The following CPXM2 variants were observed in gnomAD, a reference collection of about 807,000 sequenced individuals.
CPXM2 encodes carboxypeptidase X, M14 family member 2.
CPXM2 carries 66 observed loss-of-function variants against 86.1 expected under a neutral mutation model. That is an observed-to-expected ratio of 0.77 (90% CI 0.63 to 0.94). CPXM2 has a LOEUF of 0.94. CPXM2 is among the 40% of genes least tolerant of loss of function. The probability of loss-of-function intolerance (pLI) is 0.00; values close to 1 mark genes in which losing one functional copy is unlikely to be tolerated. For missense variants in CPXM2, 948 were observed against 1,026.3 expected, an observed-to-expected ratio of 0.92 and a Z score of 1.04; for synonymous variants, 388 against 400.2, an observed-to-expected ratio of 0.97 and a Z score of 0.36.
chr10:123,904,243 C>A (rs1945412009), intron 2 of CPXM2, among the ~76,000 whole-genome samples: 1 of 152,172 alleles, frequency 6.6e-6, no homozygotes, highest in Non-Finnish European at 1.5e-5. Context: ...CCTGGCTCTG[C>A]AGCCTGTTCT....
chr10:123,809,535 T>G (rs776256125), intron 4 of CPXM2, among the ~76,000 whole-genome samples: 1 of 152,094 alleles, frequency 6.6e-6, no homozygotes, highest in Non-Finnish European at 1.5e-5. Flanking sequence ...TAGATATAAA[T>G]ACACTCATGT....
At position 123,865,593 on chromosome 10, in the gene CPXM2, C is replaced by T. The variant is rs1848957374; in HGVS notation, c.404-2870G>A. 6.6e-6 allele frequency among the ~76,000 whole-genome samples: 1 copy of T among 152,192 alleles called. No homozygotes were observed. The highest frequency in any genetic ancestry group is 1.5e-5 in the Non-Finnish European group (1 of 68,036). On this transcript the variant is annotated intron_variant, in intron 2 of 13. Coordinates refer to ENST00000241305, the MANE Select transcript of CPXM2 (RefSeq NM_198148.3). This position sits in a 1 kb window ranked among gnomAD's most constrained non-coding sequence, Gnocchi z 4.7. ...TCACACCTCTGAGTTTCCACTCAAC[C>T]TCACGCATGCCTCCAGAGAGGGCCT...
At chr10:123,823,648 G>A (rs1358649228) in intron 4 of CPXM2, among the ~76,000 whole-genome samples, 1 of 152,106 alleles carries the variant, frequency 6.6e-6, no homozygotes, top group East Asian at 1.9e-4. Context: ...AAGAGAGACA[G>A]AGATAGAGAG....
At chr10:123,761,112 G>C (rs1469931177) in intron 11 of CPXM2, among the ~76,000 whole-genome samples, 1 of 152,162 alleles carries the variant, frequency 6.6e-6, no homozygotes, top group Non-Finnish European at 1.5e-5. Flanking sequence ...GTGGACCGCG[G>C]GGCCCTCTGG....
intron 2 of CPXM2, among the ~76,000 whole-genome samples, chr10:123,919,421 C>T (rs1041386365): frequency 3.3e-5 from 5 of 152,120 alleles, no homozygotes; most frequent in Non-Finnish European, 5.9e-5. Flanking sequence ...AGATACATCC[C>T]AGCAACCACA....
chr10:123,879,017 G>A (rs921355003), intron 2 of CPXM2, among the ~76,000 whole-genome samples: 17 of 152,172 alleles, frequency 1.1e-4, no homozygotes, highest in African/African-American at 2.9e-4. Context: ...GCGCTCTCCC[G>A]GTCCAATGAG....
chr10:123,894,550 A>T (rs1590109296), upstream of CPXM2, among the ~76,000 whole-genome samples: 1 of 152,180 alleles, frequency 6.6e-6, no homozygotes, highest in Non-Finnish European at 1.5e-5. Context: ...CGTCCTGGAA[A>T]GGTGCAAGGC....
intron 2 of CPXM2, among the ~76,000 whole-genome samples, chr10:123,867,943 A>G (rs1944822507): frequency 6.6e-6 from 1 of 152,178 alleles, no homozygotes; most frequent in Non-Finnish European, 1.5e-5. Flanking sequence ...TGGGGAGAAA[A>G]TTATGCAGGA....
chr10:123,877,145 T>C (rs1945001568), intron 2 of CPXM2, among the ~76,000 whole-genome samples: 1 of 152,134 alleles, frequency 6.6e-6, no homozygotes, highest in Non-Finnish European at 1.5e-5. Context: ...AAAATTATAG[T>C]GGGAATTGCC....
At chr10:123,857,664 G>A (rs1807202) in intron 3 of CPXM2, among the ~76,000 whole-genome samples, 24,842 of 109,072 alleles carry the variant, frequency 0.23, 3,568 homozygotes, top group African/African-American at 0.51. Context: ...GGAAGGCGGC[G>A]TGGAGATGGA....
chr10:123,788,435 G>T lies in CPXM2; in HGVS notation c.890-8180C>A, dbSNP rs888718181. Among the ~76,000 whole-genome samples the T allele has an allele frequency of 5.3e-5, 8 of 152,084 alleles. No individual in the cohort carries two copies. In the South Asian group the frequency reaches 1.2e-3, roughly 24 times the overall value. On this transcript the variant is annotated intron_variant, in intron 6 of 13. Coordinates refer to ENST00000241305, the MANE Select transcript of CPXM2 (RefSeq NM_198148.3). ...TGGATTTACAAACCAAAGCAAGCCCGATACGAAACTTCCCCCCTCCAGGAG... is the reference window on the plus strand; with the variant it reads ...TGGATTTACAAACCAAAGCAAGCCCTATACGAAACTTCCCCCCTCCAGGAG...
chr10:123,761,744 TA>T, intron 11 of CPXM2, 127 bp downstream of exon 11: 2 of 866,144 alleles, frequency 2.3e-6, no homozygotes, highest in Non-Finnish European at 3.6e-6. Flanking sequence ...TGGCAGGTCC[TA>T]AGTGCTCCAC....
At chr10:123,860,701 G>C (rs999833011) in intron 3 of CPXM2, among the ~76,000 whole-genome samples, 2 of 152,162 alleles carry the variant, frequency 1.3e-5, no homozygotes, top group African/African-American at 4.8e-5. Context: ...TTCCTCAGAG[G>C]CCTGGAGCCC....
At chr10:123,870,934 T>C (rs1944884647) in intron 2 of CPXM2, among the ~76,000 whole-genome samples, 1 of 152,186 alleles carries the variant, frequency 6.6e-6, no homozygotes, top group South Asian at 2.1e-4. Context: ...CAAACCTGGC[T>C]GGGGTCTTTT....
chr10:123,761,936 G>A lies in CPXM2; in HGVS notation c.1713C>T (p.His571=). The A allele has an allele frequency of 6.2e-7, 1 of 1,613,938 alleles. No homozygotes were observed. Among genetic ancestry groups the A allele is most frequent in the Non-Finnish European group, 8.5e-7 (1 of 1,179,928 alleles). The part of the protein sequence containing the change: ...LMTDARRRVC[H]TEDFQKEEGT... ...CCTCCTCCTTCTGGAAGTCCTCCGT[G>A]TGGCACACCCTCCTCCGGGCGTCTG... The change falls in exon 11 of 14, where the codon CAC becomes CAT. Residue 571 remains histidine (H), a synonymous_variant. Coordinates refer to ENST00000241305, the MANE Select transcript of CPXM2 (RefSeq NM_198148.3).
At chr10:123,834,593 C>T (rs1450828785) in intron 4 of CPXM2, among the ~76,000 whole-genome samples, 1 of 152,214 alleles carries the variant, frequency 6.6e-6, no homozygotes, top group East Asian at 1.9e-4. Context: ...AAAAAGGATG[C>T]TCCTGGGCTG....
rs1165082803 is a variant in CPXM2, at chr10:123,768,487, G to A, written c.1299+39C>T. The A allele has an allele frequency of 7.7e-6, 12 of 1,556,520 alleles. No homozygotes were observed. In the Admixed American group the frequency reaches 8.8e-5, roughly 11 times the overall value. On this transcript the variant is annotated intron_variant, in intron 9 of 13. Coordinates refer to ENST00000241305, the MANE Select transcript of CPXM2 (RefSeq NM_198148.3). ...CATACTCTGGAGCTGGGGCCTCGCT[G>A]CCCATGTCCTATTGGGTGAGATGGG... is the stretch of plus-strand genomic sequence containing the variant.
chr10:123,907,767 G>A (rs879288593), intron 2 of CPXM2, among the ~76,000 whole-genome samples: 11 of 151,976 alleles, frequency 7.2e-5, no homozygotes, highest in African/African-American at 1.9e-4. Flanking sequence ...CCCGCAAGGC[G>A]CCCACCCAGA....
At chr10:123,896,529 T>G (rs982217018), upstream of CPXM2, among the ~76,000 whole-genome samples, 21 of 152,240 alleles carry the variant, frequency 1.4e-4, no homozygotes, top group African/African-American at 5.1e-4. Flanking sequence ...TGTTTGTTCT[T>G]ACTCCCATAC....
Sources: gnomAD v4.1 joint callset for allele counts (sites outside exome capture counted in the v4.1 genomes callset) on GRCh38, gnomAD v4.1.1 for gene constraint, Gnocchi (gnomAD v3.1) non-coding constraint, MANE v1.5 for transcripts, NCBI Gene and HGNC (gene_info 2026-07-23, HGNC 2026-07-21) for gene names.